Variants in PEX13 observed in about 807,000 individuals in gnomAD.
PEX13 encodes the protein peroxisome biogenesis factor 13.
PEX13 carries 28 observed loss-of-function variants against 34.5 expected under a neutral mutation model. The observed-to-expected ratio is 0.81, with a 90% confidence interval of 0.60 to 1.11. PEX13 has a LOEUF of 1.11. Ranked by LOEUF, PEX13 falls within the 50% of genes most tolerant of loss-of-function variation. The pLI is 0.00. For missense variants in PEX13, 550 were observed against 491.0 expected (o/e 1.12, Z -1.13); for synonymous variants, 177 against 175.1 (o/e 1.01, Z -0.09).
intron 1 of PEX13, among the ~76,000 whole-genome samples, chr2:61,022,851 T>G (rs1680286970): frequency 6.6e-6 from 1 of 152,042 alleles, no homozygotes; most frequent in African/African-American, 2.4e-5. Context: ...CTGGGTGACA[T>G]AGCAAGACCC....
At chr2:61,026,536 C>A (rs980118034) in intron 1 of PEX13, among the ~76,000 whole-genome samples, 3 of 151,614 alleles carry the variant, frequency 2.0e-5, no homozygotes, top group Admixed American at 2.0e-4. Flanking sequence ...TTAGTAGAGA[C>A]AGTATTTCAC....
In PEX13 at chr2:61,048,678, G is replaced by T; in HGVS notation, c.1120G>T (p.Glu374Ter). 1 of 1,613,864 alleles carries T rather than the reference G, an allele frequency of 6.2e-7. No homozygotes were observed. Among genetic ancestry groups the T allele is most frequent in the South Asian group, 1.1e-5 (1 of 91,082 alleles). ...GGTTGCTGATTCTTTGGATGAACAGGAAGCTGCCTTTGAATCTGTTTTTGT... is the reference window on the plus strand; with the variant it reads ...GGTTGCTGATTCTTTGGATGAACAGTAAGCTGCCTTTGAATCTGTTTTTGT... Reference protein sequence around the residue: ...ATVADSLDEQEAAFESVFVET... With the variant: ...ATVADSLDEQ The change falls in exon 4 of 4, where the codon GAA becomes TAA. Residue 374 changes from glutamate to a stop codon, truncating the protein, a stop_gained. Coordinates refer to ENST00000295030, the MANE Select transcript of PEX13 (RefSeq NM_002618.4). LOFTEE classifies it high-confidence loss of function.
At chr2:61,025,976 T>G (rs1573550057) in intron 1 of PEX13, among the ~76,000 whole-genome samples, 1 of 152,284 alleles carries the variant, frequency 6.6e-6, no homozygotes, top group South Asian at 2.1e-4. Context: ...TTATGGCTCC[T>G]TAGCCCAGGG....
At chr2:61,045,600 A>G (rs765133741) in intron 2 of PEX13, 126 bp from the exon 3 acceptor site, 4 of 720,316 alleles carry the variant, frequency 5.6e-6, no homozygotes, top group African/African-American at 1.8e-5. Flanking sequence ...TATTCATTAT[A>G]GTTTTTACTT....
chr2:61,023,192 A>G (rs578194672), intron 1 of PEX13, among the ~76,000 whole-genome samples: 2 of 152,094 alleles, frequency 1.3e-5, no homozygotes, highest in African/African-American at 2.4e-5. Flanking sequence ...TTTAGTAGAG[A>G]TGGAGTTTTG....
chr2:61,018,510 C>A, intron 1 of PEX13: 1 of 449,194 alleles, frequency 2.2e-6, no homozygotes, highest in Non-Finnish European at 3.7e-6. Flanking sequence ...CAGTTGGTTT[C>A]TAGGACTTTA....
chr2:61,042,970 G>A (rs988414049), intron 2 of PEX13, among the ~76,000 whole-genome samples: 2 of 152,284 alleles, frequency 1.3e-5, no homozygotes, highest in South Asian at 4.1e-4. Flanking sequence ...TTGTCATCAT[G>A]GGAGTGAGTT....
At chr2:61,034,935 G>A (rs1680511642) in intron 2 of PEX13, among the ~76,000 whole-genome samples, 2 of 152,182 alleles carry the variant, frequency 1.3e-5, no homozygotes, top group South Asian at 2.1e-4. Flanking sequence ...AAACTTAAAC[G>A]TCCCTGTCTG....
intron 2 of PEX13, among the ~76,000 whole-genome samples, chr2:61,036,328 G>T (rs1216414828): frequency 6.6e-6 from 1 of 152,138 alleles, no homozygotes; most frequent in Non-Finnish European, 1.5e-5. Context: ...ACACATAATT[G>T]TCAGATTCAC....
At chr2:61,035,006 T>C (rs1680512850) in intron 2 of PEX13, among the ~76,000 whole-genome samples, 1 of 152,246 alleles carries the variant, frequency 6.6e-6, no homozygotes, top group Non-Finnish European at 1.5e-5. Context: ...GAATGCAGAC[T>C]GCTTCCTCAA....
intron 1 of PEX13, among the ~76,000 whole-genome samples, chr2:61,025,372 T>G (rs1038180086): frequency 1.3e-5 from 2 of 151,000 alleles, no homozygotes; most frequent in African/African-American, 4.9e-5. Flanking sequence ...ATTATTATTA[T>G]TATTAAGACA....
At position 61,031,689 on chromosome 2, in the gene PEX13, A is replaced by G. The variant is rs1246193374; in HGVS notation, c.363A>G (p.Gln121=). The change falls in exon 2 of 4, where the codon CAA becomes CAG. Residue 121 remains glutamine, a synonymous_variant. Transcript: ENST00000295030. ...DDLPPSRFVQ[Q]AEESSRGAFQ... ...TTCCACCCAGTAGATTTGTTCAGCAAGCTGAAGAAAGCAGCAGGGGTGCAT... is the reference window on the plus strand; with the variant it reads ...TTCCACCCAGTAGATTTGTTCAGCAGGCTGAAGAAAGCAGCAGGGGTGCAT... The G allele has an allele frequency of 6.2e-7, 1 of 1,614,098 alleles. No homozygotes were observed. Among genetic ancestry groups the G allele is most frequent in the African/African-American group, 1.3e-5 (1 of 74,938 alleles).
At chr2:61,024,909 ATAT>A (rs1680326067) in intron 1 of PEX13, among the ~76,000 whole-genome samples, 1 of 152,182 alleles carries the variant, frequency 6.6e-6, no homozygotes, top group African/African-American at 2.4e-5. Flanking sequence ...GTCCTGCTTT[ATAT>A]TATAGTTCCT....
intron 2 of PEX13, among the ~76,000 whole-genome samples, chr2:61,034,548 C>G (rs6741617): frequency 6.6e-6 from 1 of 152,106 alleles, no homozygotes; most frequent in Non-Finnish European, 1.5e-5. Context: ...ATTTCCCTTT[C>G]CTAGCCAAGG....
At chr2:61,030,509 A>AGT (rs1451859904) in intron 1 of PEX13, among the ~76,000 whole-genome samples, 1 of 152,202 alleles carries the variant, frequency 6.6e-6, no homozygotes, top group East Asian at 1.9e-4. Flanking sequence ...ATAGTGCTGA[A>AGT]GTGATCTCTA....
intron 1 of PEX13, among the ~76,000 whole-genome samples, chr2:61,029,063 C>G (rs539952470): frequency 6.7e-6 from 1 of 148,680 alleles, no homozygotes; most frequent in South Asian, 2.1e-4. Flanking sequence ...ACATAGGAAG[C>G]TGAGGCAGAA....
At position 61,035,098 on chromosome 2, in the gene PEX13, C is replaced by G. The variant is rs1203474725; in HGVS notation, c.787+2985C>G. On this transcript the variant is annotated intron_variant, in intron 2 of 3. Coordinates refer to ENST00000295030, the MANE Select transcript of PEX13 (RefSeq NM_002618.4). ...CAGACACCTTCAACAGGCGGGTGCC[C>G]TTCTGGGACAAAGCTTGCAGAGGAA... Among the ~76,000 whole-genome samples the G allele has an allele frequency of 4.6e-5, 7 of 152,330 alleles. No individual in the cohort carries two copies. The South Asian group carries it at 1.0e-3, about 23-fold the overall frequency.
chr2:61,034,137 C>G (rs1198679901), intron 2 of PEX13, among the ~76,000 whole-genome samples: 1 of 152,100 alleles, frequency 6.6e-6, no homozygotes, highest in African/African-American at 2.4e-5. Flanking sequence ...GCTGGGACTA[C>G]AGGTGTAGGC....
intron 2 of PEX13, among the ~76,000 whole-genome samples, chr2:61,042,896 T>A (rs1680647500): frequency 6.6e-6 from 1 of 152,240 alleles, no homozygotes; most frequent in Non-Finnish European, 1.5e-5. Context: ...ATGATTTGAA[T>A]GTTTTTCCTT....
Sources: gnomAD v4.1 joint callset for allele counts (sites outside exome capture counted in the v4.1 genomes callset) on GRCh38, gnomAD v4.1.1 for gene constraint, MANE v1.5 for transcripts, NCBI Gene and HGNC (gene_info 2026-07-23, HGNC 2026-07-21) for gene names.